PRRC2C: variants seen among roughly 807,000 people sequenced by gnomAD.
The protein encoded by PRRC2C is proline rich coiled-coil 2C.
PRRC2C carries 72 observed loss-of-function variants against 317.2 expected under a neutral mutation model. That is an observed-to-expected ratio of 0.23 (90% CI 0.19 to 0.28). The LOEUF is 0.28. Ranked by LOEUF, PRRC2C falls within the 10% of genes least tolerant of loss-of-function variation. The pLI is 1.00. For synonymous variants in PRRC2C, 1,296 were observed against 1,205.9 expected (o/e 1.07, Z -1.55); for missense variants, 3,074 against 3,459.7 (o/e 0.89, Z 2.80).
intron 6 of PRRC2C, among the ~76,000 whole-genome samples, chr1:171,521,682 A>T (rs1673600744): frequency 6.6e-6 from 1 of 152,050 alleles, no homozygotes; most frequent in Non-Finnish European, 1.5e-5. Context: ...CTTATCCACA[A>T]ATCTGCCTCT....
chr1:171,568,480 T>C, intron 23 of PRRC2C, 141 bp downstream of exon 23: 2 of 1,332,596 alleles, frequency 1.5e-6, no homozygotes, highest in South Asian at 1.7e-5. Flanking sequence ...TGTTTAGGAG[T>C]ACTGTAATAT....
In PRRC2C at chr1:171,557,511, C is replaced by T. The variant is rs529997826; in HGVS notation, c.5399C>T (p.Ser1800Leu). 3.2e-6 allele frequency: 5 copies of T among 1,551,468 alleles called. No homozygotes were observed. The highest frequency in any genetic ancestry group is 3.9e-5 in the Admixed American group (2 of 50,968). The stretch of plus-strand genomic sequence containing the variant: ...TTAGCTCCAGTTCTGGCCTCAACCT[C>T]AGCTCCAGTTCCAGCCTCACCCTTA... ...STLAPVLAST[S>L]APVPASPLAP... The change falls in exon 19 of 35, where the codon TCA (serine) becomes TTA (leucine). Residue 1800 changes from serine (S) to leucine (L), a missense_variant. Transcript: ENST00000647382.
chr1:171,554,253 G>A (rs1226128958), intron 18 of PRRC2C, among the ~76,000 whole-genome samples: 1 of 152,074 alleles, frequency 6.6e-6, no homozygotes, highest in Non-Finnish European at 1.5e-5. Flanking sequence ...GATCTTTGTT[G>A]GTTTAAAGTC....
intron 2 of PRRC2C, chr1:171,512,438 A>G (rs1033042175): frequency 2.5e-6 from 1 of 392,624 alleles, no homozygotes; most frequent in Non-Finnish European, 4.9e-6. Flanking sequence ...GTCAGCAGAA[A>G]AAAGGTAGAA....
intron 10 of PRRC2C, among the ~76,000 whole-genome samples, chr1:171,526,239 G>T (rs1674537090): frequency 1.3e-5 from 2 of 152,086 alleles, no homozygotes; most frequent in African/African-American, 4.8e-5. Context: ...TTTGCCACTA[G>T]AAAAGAATTG....
intron 22 of PRRC2C, among the ~76,000 whole-genome samples, chr1:171,567,955 G>A (rs1042429199): frequency 6.6e-6 from 1 of 152,178 alleles, no homozygotes; most frequent in African/African-American, 2.4e-5. Context: ...GGTGGGCTGA[G>A]GCAGGCAGAT....
chr1:171,574,306 A>G (rs1481452807), intron 24 of PRRC2C, among the ~76,000 whole-genome samples: 1 of 152,174 alleles, frequency 6.6e-6, no homozygotes, highest in African/African-American at 2.4e-5. Context: ...TTAAAATTAC[A>G]TATTTGATTT....
chr1:171,504,167 T>TA (rs1425049793), intron 1 of PRRC2C, among the ~76,000 whole-genome samples: 1 of 152,230 alleles, frequency 6.6e-6, no homozygotes, highest in East Asian at 1.9e-4. Flanking sequence ...GGTTGGTTGT[T>TA]ATGAGAGTTT....
At chr1:171,587,615 G>T (rs771980538) in intron 31 of PRRC2C, 33 bp from the exon 32 acceptor site, 1 of 1,443,794 alleles carries the variant, frequency 6.9e-7, no homozygotes, top group Non-Finnish European at 9.7e-7. Context: ...TGGAATTAAA[G>T]AAATGTTAAG....
chr1:171,516,894 A>ACAGAAGCCCACAGTCTTTAAT (rs1557895717), intron 5 of PRRC2C, among the ~76,000 whole-genome samples: 2 of 152,170 alleles, frequency 1.3e-5, no homozygotes, highest in African/African-American at 4.8e-5. Flanking sequence ...TCCACCCAAG[A>ACAGAAGCCCACAGTCTTTAAT]CAGAAGCCCA....
chr1:171,528,545 C>T (rs370565435), intron 11 of PRRC2C, among the ~76,000 whole-genome samples: 2 of 152,154 alleles, frequency 1.3e-5, no homozygotes, highest in Non-Finnish European at 2.9e-5. Context: ...CCCACCTTGG[C>T]CTCCCAAAGT....
At chr1:171,584,976 A>G (rs1649525127) in intron 30 of PRRC2C, among the ~76,000 whole-genome samples, 1 of 152,016 alleles carries the variant, frequency 6.6e-6, no homozygotes, top group African/African-American at 2.4e-5. Context: ...GGGTTTTGCC[A>G]TGTTGCCCCA....
Position 171,523,230 on chromosome 1 carries a change from A to C in PRRC2C, c.843A>C (p.Arg281=). ...ACCTGCCTTTCATTAGAGGCCTTCG[A>C]GGAAGAGGCCCACCTCCTTCATGGG... ...PSLSETNKGL[R]GRGPPPSWAS... Residue 281 remains arginine (R), a synonymous_variant, in exon 8 of 35, where the codon CGA becomes CGC. Transcript: ENST00000647382. The C allele has an allele frequency of 6.2e-7, 1 of 1,610,916 alleles. No individual in the cohort carries two copies. Among genetic ancestry groups the C allele is most frequent in the Non-Finnish European group, 8.5e-7 (1 of 1,178,628 alleles).
chr1:171,552,879 G>A (rs573121581), intron 18 of PRRC2C, among the ~76,000 whole-genome samples: 1 of 152,062 alleles, frequency 6.6e-6, no homozygotes, highest in South Asian at 2.1e-4. Context: ...ATTTTATTGA[G>A]GATTTTTGCA....
chr1:171,502,689 G>A lies in PRRC2C; in HGVS notation c.-57-9343G>A, dbSNP rs1187114780. On this transcript the variant is annotated intron_variant, in intron 1 of 34. Transcript: ENST00000647382. ...AATTGTTTTGCTAAATTATATTTTA[G>A]AGAACATACCAACTACTCTAGTAGG... is the stretch of plus-strand genomic sequence containing the variant. Among the ~76,000 whole-genome samples the A allele has an allele frequency of 2.0e-5, 3 of 152,236 alleles. No individual in the cohort carries two copies. In the East Asian group the frequency reaches 5.8e-4, roughly 29 times the overall value.
rs138658625 is a variant in PRRC2C, at chr1:171,536,102, C to T, written c.2117C>T (p.Pro706Leu). Residue 706 changes from proline (P) to leucine (L), a missense_variant, in exon 14 of 35, where the codon CCG becomes CTG. Coordinates refer to ENST00000647382, the MANE Select transcript of PRRC2C (RefSeq NM_001387844.1). The stretch of plus-strand genomic sequence containing the variant: ...CTTCCACAGACTGTTCCTTCACAAC[C>T]GTCCAGTAGTACTGTCCCTCCTCCA... ...GVLPQTVPSQPSSSTVPPPPH... is the reference protein window; with the variant it reads ...GVLPQTVPSQLSSSTVPPPPH... 1.3e-6 allele frequency: 2 copies of T among 1,561,846 alleles called. No homozygotes were observed. Among genetic ancestry groups the T allele is most frequent in the Non-Finnish European group, 8.7e-7 (1 of 1,151,876 alleles).
At chr1:171,579,521 AT>A in intron 27 of PRRC2C, 55 bp downstream of exon 27, 1 of 1,579,704 alleles carries the variant, frequency 6.3e-7, no homozygotes, top group African/African-American at 1.3e-5. Context: ...TTCTGTGGTT[AT>A]AATAGTTATC....
intron 1 of PRRC2C, among the ~76,000 whole-genome samples, chr1:171,487,336 G>A (rs945113534): frequency 9.9e-5 from 15 of 152,172 alleles, no homozygotes; most frequent in South Asian, 2.1e-4. Context: ...TGAACCCAAA[G>A]GGGATGCTCT....
At chr1:171,496,604 A>G (rs1668144960) in intron 1 of PRRC2C, among the ~76,000 whole-genome samples, 1 of 151,634 alleles carries the variant, frequency 6.6e-6, no homozygotes, top group Non-Finnish European at 1.5e-5. Flanking sequence ...TTACTTTATT[A>G]TTTTCTGTAT....
Sources: allele counts gnomAD v4.1 joint callset (sites outside exome capture counted in the v4.1 genomes callset), GRCh38; gene constraint gnomAD v4.1.1; transcripts MANE v1.5; gene names NCBI Gene and HGNC (gene_info 2026-07-23, HGNC 2026-07-21).